NAA25: variants seen among roughly 807,000 people sequenced by gnomAD.
NAA25 encodes N-alpha-acetyltransferase 25, NatB auxiliary subunit.
In NAA25, 30 loss-of-function variants were observed where a neutral mutation model predicts 132.5. The ratio of observed to expected loss-of-function variants is 0.23; its 90% CI spans 0.17 to 0.31. The LOEUF (loss-of-function observed/expected upper bound fraction) is 0.31. Among genes scored for constraint, NAA25 ranks in the 10% least tolerant of loss-of-function variants. The pLI is 1.00. For synonymous variants in NAA25, 359 were observed against 401.9 expected (o/e 0.89, Z 1.28); for missense variants, 771 against 1,150.4 (o/e 0.67, Z 4.77).
chr12:112,048,380 C>T lies in NAA25; in HGVS notation c.1792G>A (p.Ala598Thr), dbSNP rs1451873916. The T allele has an allele frequency of 1.5e-5, 24 of 1,613,748 alleles. No individual in the cohort carries two copies. Among genetic ancestry groups the T allele is most frequent in the Admixed American group, 3.3e-5 (2 of 59,982 alleles). Reference protein sequence around the residue: ...GAFEKIPEFIAFRNRLNNSLH... With the variant: ...GAFEKIPEFITFRNRLNNSLH... ...GAATTATTCAGCCTGTTCCTAAAAGCGATAAACTCTGGGATCTTCTCAAAT... is the reference window on the plus strand; with the variant it reads ...GAATTATTCAGCCTGTTCCTAAAAGTGATAAACTCTGGGATCTTCTCAAAT... Residue 598 changes from alanine to threonine, a missense_variant, in exon 16 of 24, where the codon GCT becomes ACT. Around this residue, in one of 3 missense-constraint regions of NAA25, gnomAD observed 417 missense variants for 733.8 expected, o/e 0.57. Coordinates refer to ENST00000261745, the MANE Select transcript of NAA25 (RefSeq NM_024953.4).
intron 14 of NAA25, among the ~76,000 whole-genome samples, chr12:112,054,062 A>T (rs2078508584): frequency 6.6e-6 from 1 of 152,240 alleles, no homozygotes; most frequent in Admixed American, 6.5e-5. Flanking sequence ...GTTGAGGTCA[A>T]TAAATAAATT....
chr12:112,048,538 T>C, intron 15 of NAA25, 95 bp from the exon 16 acceptor site: 1 of 1,047,604 alleles, frequency 9.5e-7, no homozygotes, highest in Non-Finnish European at 1.4e-6. Context: ...CAAACTAAAA[T>C]TAAGTTTTAA....
intron 13 of NAA25, among the ~76,000 whole-genome samples, chr12:112,056,886 G>A (rs1801119121): frequency 6.6e-6 from 1 of 152,116 alleles, no homozygotes; most frequent in Non-Finnish European, 1.5e-5. Context: ...GACAATAACT[G>A]TATTATTAAA....
chr12:112,048,249 A>G (rs756331923), intron 16 of NAA25, 43 bp downstream of exon 16: 2 of 1,584,552 alleles, frequency 1.3e-6, no homozygotes, highest in African/African-American at 1.3e-5. Context: ...TTAACAACTG[A>G]TCTAATCCCT....
rs1291079030 is a variant in NAA25 at position 112,090,569 on chromosome 12, CCTTT to C, written c.283+153_283+156del. ...AAGGATCCTAATGCATGTAAACTAT[CCTTT>C]CTATCTACAGTTCTCGCAAACCCTG... is the stretch of plus-strand genomic sequence containing the variant. On this transcript the variant is annotated intron_variant, in intron 3 of 23. Transcript: ENST00000261745. 9 of 596,590 alleles carry C rather than the reference CCTTT, an allele frequency of 1.5e-5. No individual in the cohort carries two copies. In the African/African-American group the frequency reaches 1.7e-4, roughly 11 times the overall value. The allele number at this position is 596,590 out of a possible 1,614,324, so 37.0% of individuals were successfully genotyped here.
In NAA25 at chr12:112,029,593, G is replaced by T; in HGVS notation, c.2857C>A (p.Leu953Ile). Residue 953 changes from leucine (L) to isoleucine (I), a missense_variant, in exon 24 of 24, where the codon CTT (leucine) becomes ATT (isoleucine). Transcript: ENST00000261745. ...GKVQSSYLHS[L>I]LEMGELLKKR... is the part of the protein sequence containing the mutation. ...TTCAGCAGCTCCCCCATTTCCAGAA[G>T]TGAGTGCAGATAACTGCTCTGCACC... is the stretch of plus-strand genomic sequence containing the variant. 1 of 1,613,950 alleles carries T rather than the reference G, an allele frequency of 6.2e-7. No individual in the cohort carries two copies. The highest frequency in any genetic ancestry group is 8.5e-7 in the Non-Finnish European group (1 of 1,179,954).
chr12:112,056,103 G>A (rs2078540628), intron 13 of NAA25, among the ~76,000 whole-genome samples: 1 of 152,152 alleles, frequency 6.6e-6, no homozygotes, highest in African/African-American at 2.4e-5. Context: ...GGGAGGCCAG[G>A]GAAGCGGATC....
chr12:112,048,595 T>A (rs925522737), intron 15 of NAA25, 152 bp from the exon 16 acceptor site: 4 of 636,410 alleles, frequency 6.3e-6, no homozygotes, highest in African/African-American at 5.5e-5. Context: ...ATTAGCTTTT[T>A]AAAATGTTTT....
At chr12:112,070,944 A>C (rs547096822) in intron 10 of NAA25, among the ~76,000 whole-genome samples, 1 of 152,308 alleles carries the variant, frequency 6.6e-6, no homozygotes, top group African/African-American at 2.4e-5. Context: ...ACGGTGTTTC[A>C]CCATGTTGGC....
In NAA25 at chr12:112,062,452, C is replaced by T. The variant is rs1490880047; in HGVS notation, c.1150-1064G>A. Among the ~76,000 whole-genome samples, 7 of 149,730 alleles carry T rather than the reference C, an allele frequency of 4.7e-5. No homozygotes were observed. In the East Asian group the frequency reaches 7.8e-4, roughly 17 times the overall value. ...GAAAAAATAGGCCGGGTGTGGTGCG[C>T]GGTGGCTCACGCCTATAATCCCAGC... On this transcript the variant is annotated intron_variant, in intron 11 of 23. Coordinates refer to ENST00000261745, the MANE Select transcript of NAA25 (RefSeq NM_024953.4).
intron 8 of NAA25, 119 bp from the exon 9 acceptor site, chr12:112,074,883 T>C: frequency 1.6e-6 from 1 of 607,860 alleles, no homozygotes; most frequent in South Asian, 2.6e-5. Flanking sequence ...TAGGTTGGCT[T>C]ACCCCCACCC....
At chr12:112,032,071 C>T (rs768419080) in intron 23 of NAA25, among the ~76,000 whole-genome samples, 1 of 151,748 alleles carries the variant, frequency 6.6e-6, no homozygotes, top group Non-Finnish European at 1.5e-5. Context: ...TCACAACATT[C>T]CCCTGCCTCA....
At chr12:112,068,055 AAG>A (rs1446844850) in intron 11 of NAA25, among the ~76,000 whole-genome samples, 1 of 151,866 alleles carries the variant, frequency 6.6e-6, no homozygotes, top group African/African-American at 2.4e-5. Context: ...TTCTTTTTTT[AAG>A]AGACAGAGTC....
At chr12:112,062,970 G>A (rs1267287076) in intron 11 of NAA25, among the ~76,000 whole-genome samples, 1 of 151,912 alleles carries the variant, frequency 6.6e-6, no homozygotes, top group East Asian at 1.9e-4. Flanking sequence ...TGAGGCGGGA[G>A]GATGACTTGA....
intron 23 of NAA25, among the ~76,000 whole-genome samples, chr12:112,032,998 A>G (rs914493783): frequency 1.3e-5 from 2 of 152,222 alleles, no homozygotes; most frequent in Non-Finnish European, 1.5e-5. Flanking sequence ...TCATAGTAAA[A>G]GAACAACCCC....
intron 22 of NAA25, among the ~76,000 whole-genome samples, chr12:112,035,838 T>C (rs77337506): frequency 0.055 from 8,359 of 152,084 alleles, 301 homozygotes; most frequent in Middle Eastern, 0.16. Flanking sequence ...TGTGCCACCA[T>C]GCCCAACTAA....
At chr12:112,102,748 G>A (rs1390595199) in intron 1 of NAA25, among the ~76,000 whole-genome samples, 1 of 144,902 alleles carries the variant, frequency 6.9e-6, no homozygotes, top group Non-Finnish European at 1.5e-5. Flanking sequence ...GTGCAATAGC[G>A]CGATCTCGGC....
At chr12:112,079,870 T>C (rs1264342717) in intron 5 of NAA25, among the ~76,000 whole-genome samples, 3 of 152,056 alleles carry the variant, frequency 2.0e-5, no homozygotes, top group Non-Finnish European at 2.9e-5. Flanking sequence ...AAACCTCAAG[T>C]TGTAATATCA....
At chr12:112,062,395 C>T (rs1287788629) in intron 11 of NAA25, among the ~76,000 whole-genome samples, 4 of 142,814 alleles carry the variant, frequency 2.8e-5, no homozygotes, top group Non-Finnish European at 6.1e-5. Flanking sequence ...AGCGAGACTC[C>T]ATCTCAAAAA....
Sources: allele counts gnomAD v4.1 joint callset (sites outside exome capture counted in the v4.1 genomes callset), GRCh38; gene constraint gnomAD v4.1.1; regional missense constraint gnomAD v4.1.1; transcripts MANE v1.5; gene names NCBI Gene and HGNC (gene_info 2026-07-23, HGNC 2026-07-21).